UNC79: variants seen among roughly 807,000 people sequenced by gnomAD.
UNC79 encodes the protein protein unc-79 homolog.
UNC79 carries 37 observed loss-of-function variants against 283.1 expected under a neutral mutation model. That is an observed-to-expected ratio of 0.13 (90% CI 0.10 to 0.17). The LOEUF is 0.17. UNC79 is among the 10% of genes least tolerant of loss of function. The pLI, the probability that UNC79 is intolerant of heterozygous loss-of-function variation, is 1.00. For missense variants in UNC79, 2,272 were observed against 3,211.1 expected (o/e 0.71, Z 7.07); for synonymous variants, 1,107 against 1,200.2 (o/e 0.92, Z 1.61).
At chr14:93,622,348 G>T (rs2067202013) in exon 30 of UNC79, 1 of 1,614,054 alleles carries the variant, frequency 6.2e-7, no homozygotes, top group Admixed American at 1.7e-5. Flanking sequence ...GAAATAATCA[G>T]TCAGCAGGGA....
At position 93,622,542 on chromosome 14, in the gene UNC79, A is replaced by G. The variant is rs753550347; in HGVS notation, c.5309A>G (p.Glu1770Gly). Reference sequence around the variant, plus strand: ...GATGATCACCCTGACCCGGGCACTGAGGGGGAGAAGCCTGGGGAGCTGATG... The same window carrying G: ...GATGATCACCCTGACCCGGGCACTGGGGGGGAGAAGCCTGGGGAGCTGATG... The change falls in exon 30 of 49, where the codon GAG (glutamate) becomes GGG (glycine). Residue 1770 changes from glutamate (E) to glycine (G), a missense_variant. By Grantham distance (98) the Glu-to-Gly change is moderately conservative. Coordinates refer to ENST00000555664, the Ensembl canonical transcript of UNC79. The G allele has an allele frequency of 1.5e-5, 24 of 1,613,844 alleles. No individual in the cohort carries two copies. In the African/African-American group the frequency reaches 3.2e-4, roughly 22 times the overall value.
chr14:93,707,060 T>G (rs1009997422), downstream of UNC79: 1 of 811,918 alleles, frequency 1.2e-6, no homozygotes, highest in African/African-American at 1.7e-5. Context: ...GGGCCGAAAA[T>G]GAAGCTTTCT....
chr14:93,452,657 G>A (rs992723618), intron 1 of UNC79, among the ~76,000 whole-genome samples: 4 of 151,978 alleles, frequency 2.6e-5, no homozygotes, highest in African/African-American at 9.7e-5. Flanking sequence ...CAAAGTGCTG[G>A]GATTGCAGGA....
chr14:93,626,301 A>G (rs1279911531), intron 30 of UNC79, among the ~76,000 whole-genome samples: 1 of 152,116 alleles, frequency 6.6e-6, no homozygotes, highest in Non-Finnish European at 1.5e-5. Flanking sequence ...TTCTGCACCT[A>G]CACACCTGGA....
intron 13 of UNC79, among the ~76,000 whole-genome samples, chr14:93,541,929 C>T (rs895637636): frequency 6.8e-6 from 1 of 146,152 alleles, no homozygotes; most frequent in Non-Finnish European, 1.5e-5. Flanking sequence ...GGCGTGAACC[C>T]GGGAGGCGGA....
intron 41 of UNC79, among the ~76,000 whole-genome samples, chr14:93,674,452 C>T (rs1019352156): frequency 1.2e-4 from 19 of 152,186 alleles, no homozygotes; most frequent in Admixed American, 5.9e-4. Context: ...ACCTGGCACC[C>T]TGCCTCTCAC....
At chr14:93,564,180 G>C (rs2062737509) in intron 14 of UNC79, among the ~76,000 whole-genome samples, 1 of 152,148 alleles carries the variant, frequency 6.6e-6, no homozygotes, top group Non-Finnish European at 1.5e-5. Context: ...GCTAGGGTGG[G>C]AGCAGTCTCT....
chr14:93,574,830 G>GA (rs2063386076), intron 16 of UNC79, among the ~76,000 whole-genome samples: 1 of 151,780 alleles, frequency 6.6e-6, no homozygotes, highest in Non-Finnish European at 1.5e-5. Flanking sequence ...TTAATAGAAA[G>GA]AACATGGTGA....
At chr14:93,484,216 C>T (rs940930730) in intron 4 of UNC79, among the ~76,000 whole-genome samples, 9 of 152,170 alleles carry the variant, frequency 5.9e-5, no homozygotes, top group African/African-American at 2.2e-4. Flanking sequence ...TTAATGATGA[C>T]TTGTCTGTTT....
chr14:93,398,402 G>A (rs762812215), intron 1 of UNC79, among the ~76,000 whole-genome samples: 1 of 152,156 alleles, frequency 6.6e-6, no homozygotes, highest in African/African-American at 2.4e-5. Flanking sequence ...TTATAATATT[G>A]TGCTAAATTT....
intron 34 of UNC79, 70 bp downstream of exon 37, chr14:93,643,767 A>G (rs1353842860): frequency 6.4e-7 from 1 of 1,568,064 alleles, no homozygotes; most frequent in African/African-American, 1.4e-5. Flanking sequence ...ACTAAAAACT[A>G]CCAGTTCAAA....
At chr14:93,610,172 A>G (rs1043053674) in intron 26 of UNC79, among the ~76,000 whole-genome samples, 2 of 152,142 alleles carry the variant, frequency 1.3e-5, no homozygotes, top group African/African-American at 4.8e-5. Context: ...CTGATGGTCT[A>G]TTTTCTAGAC....
chr14:93,598,068 C>T (rs1020122934), intron 24 of UNC79, among the ~76,000 whole-genome samples: 1 of 152,094 alleles, frequency 6.6e-6, no homozygotes, highest in African/African-American at 2.4e-5. Context: ...CTCTCTGCAG[C>T]CTGAAACTCC....
At chr14:93,573,780 G>GC (rs2063329808) in intron 16 of UNC79, among the ~76,000 whole-genome samples, 1 of 152,230 alleles carries the variant, frequency 6.6e-6, no homozygotes, top group South Asian at 2.1e-4. Context: ...GCAAAGGTGG[G>GC]CAGATCACTT....
chr14:93,497,077 C>A, intron 6 of UNC79, 80 bp from the exon 7 acceptor site: 1 of 1,492,224 alleles, frequency 6.7e-7, no homozygotes. Context: ...AGAATTTTCA[C>A]TGCTTTGGTA....
chr14:93,407,062 C>T (rs1365480158), intron 1 of UNC79, among the ~76,000 whole-genome samples: 1 of 152,102 alleles, frequency 6.6e-6, no homozygotes, highest in African/African-American at 2.4e-5. Flanking sequence ...TTGCCTTCAT[C>T]TTTCCATGAA....
intron 7 of UNC79, among the ~76,000 whole-genome samples, chr14:93,511,539 C>T (rs1193142133): frequency 1.3e-5 from 2 of 152,106 alleles, no homozygotes; most frequent in African/African-American, 4.8e-5. Context: ...CCTCTGCCTC[C>T]TGGGTTCAAG....
intron 27 of UNC79, 143 bp from the exon 29 acceptor site, chr14:93,616,979 T>A (rs2066779636): frequency 1.5e-6 from 1 of 677,762 alleles, no homozygotes; most frequent in Admixed American, 3.3e-5. Flanking sequence ...GTACTAGCCA[T>A]TACTTTTAAT....
intron 3 of UNC79, among the ~76,000 whole-genome samples, chr14:93,476,004 G>A (rs2057777762): frequency 6.6e-6 from 1 of 152,170 alleles, no homozygotes; most frequent in Non-Finnish European, 1.5e-5. Flanking sequence ...AAACAATACG[G>A]CATTGTTTCT....
Sources: allele counts gnomAD v4.1 joint callset (sites outside exome capture counted in the v4.1 genomes callset), GRCh38; gene constraint gnomAD v4.1.1; transcripts MANE v1.5; gene names NCBI Gene and HGNC (gene_info 2026-07-23, HGNC 2026-07-21).